DEDD2: variants seen among roughly 807,000 people sequenced by gnomAD.
DEDD2 encodes DNA-binding death effector domain-containing protein 2.
In DEDD2, 18 loss-of-function variants were observed where a neutral mutation model predicts 28.9. The observed-to-expected ratio is 0.62, with a 90% CI of 0.43 to 0.92. The LOEUF is 0.92. Ranked by LOEUF, DEDD2 falls within the 40% of genes least tolerant of loss-of-function variation. The pLI is 0.00. For synonymous variants in DEDD2, 211 were observed against 206.1 expected, an observed-to-expected ratio of 1.02 and a Z score of -0.20; for missense variants, 411 against 463.3, an observed-to-expected ratio of 0.89 and a Z score of 1.04.
Position 42,209,134 on chromosome 19 carries a change from G to A in DEDD2, c.589+566C>T, listed in dbSNP as rs868358763. On this transcript the variant is annotated intron_variant, in intron 4 of 4. Coordinates refer to ENST00000596251, the MANE Select transcript of DEDD2 (RefSeq NM_133328.4). ...TGGGTGCCAGTAATCCCAGCTACTTGGGAGGCTGAGGCAGGAGAACTGCTT... is the reference window on the plus strand; with the variant it reads ...TGGGTGCCAGTAATCCCAGCTACTTAGGAGGCTGAGGCAGGAGAACTGCTT... Among the ~76,000 whole-genome samples the A allele has an allele frequency of 5.9e-5, 9 of 152,162 alleles. No homozygotes were observed. The South Asian group carries it at 1.9e-3, about 31-fold the overall frequency.
At chr19:42,206,153 T>C (rs907548422) in intron 4 of DEDD2, among the ~76,000 whole-genome samples, 4 of 150,116 alleles carry the variant, frequency 2.7e-5, no homozygotes, top group African/African-American at 9.8e-5. Flanking sequence ...CTCCAACTGC[T>C]TTCCATAATA....
Position 42,216,787 on chromosome 19 carries a change from C to CGCTCCA in DEDD2, c.215_220dup (p.Leu72_Glu73dup). The CGCTCCA allele has an allele frequency of 1.3e-6, 2 of 1,588,028 alleles. No individual in the cohort carries two copies. The highest frequency in any genetic ancestry group is 1.7e-6 in the Non-Finnish European group (2 of 1,167,554). On this transcript the variant is annotated inframe_insertion, in exon 2 of 5. Coordinates refer to ENST00000596251, the MANE Select transcript of DEDD2 (RefSeq NM_133328.4). ...GTTGCTCTCGTCGCACTGCCCGCGGCGCTCCAGCTCCAGCAGGAGCTCTAG... is the reference window on the plus strand; with the variant it reads ...GTTGCTCTCGTCGCACTGCCCGCGGCGCTCCAGCTCCAGCTCCAGCAGGAGCTCTAG...
chr19:42,206,708 C>T (rs2035548664), intron 4 of DEDD2, among the ~76,000 whole-genome samples: 3 of 152,210 alleles, frequency 2.0e-5, no homozygotes, highest in Admixed American at 2.0e-4. Flanking sequence ...TCCTCACTGT[C>T]TCAGGCAGTC....
intron 3 of DEDD2, among the ~76,000 whole-genome samples, chr19:42,211,177 A>G (rs1021834175): frequency 1.3e-5 from 2 of 152,108 alleles, no homozygotes. Flanking sequence ...GTTCAAGACC[A>G]ACCTGGAACC....
At chr19:42,215,511 C>A (rs541721106) in intron 2 of DEDD2, among the ~76,000 whole-genome samples, 38 of 152,316 alleles carry the variant, frequency 2.5e-4, no homozygotes, top group African/African-American at 9.1e-4. Context: ...TGGTAAGGGT[C>A]CCTGTAATGG....
At chr19:42,219,076 G>C (rs12611219), upstream of DEDD2, among the ~76,000 whole-genome samples, 1 of 152,092 alleles carries the variant, frequency 6.6e-6, no homozygotes, top group Non-Finnish European at 1.5e-5. Flanking sequence ...AGGCCGAGGC[G>C]GGCGGATCAC....
rs376459217 is a variant in DEDD2, at chr19:42,199,538, C to T, written c.881G>A (p.Arg294His). 15 of 1,614,054 alleles carry T rather than the reference C, an allele frequency of 9.3e-6. No individual in the cohort carries two copies. The highest frequency in any genetic ancestry group is 2.2e-5 in the South Asian group (2 of 91,088). ...LREAVGREAV[R>H]LLVSVDEADY... Reference sequence around the variant, plus strand: ...AGCCTCATCCACACTGACCAGCAGGCGAACAGCCTCCCGGCCCACAGCCTC... The same window carrying T: ...AGCCTCATCCACACTGACCAGCAGGTGAACAGCCTCCCGGCCCACAGCCTC... Residue 294 changes from arginine (R) to histidine (H), a missense_variant, in exon 5 of 5, where the codon CGC (arginine) becomes CAC (histidine). This residue lies in a region of DEDD2 where 129 missense variants were observed against 189.9 expected (regional missense o/e 0.68). Transcript: ENST00000596251. This position sits in a 1 kb window ranked among gnomAD's most constrained non-coding sequence, Gnocchi z 7.4.
intron 2 of DEDD2, 87 bp downstream of exon 2, chr19:42,216,593 A>C (rs1599790445): frequency 7.6e-7 from 1 of 1,323,786 alleles, no homozygotes; most frequent in South Asian, 1.5e-5. Context: ...CTGATATGGC[A>C]CTGTCCGTAT....
At chr19:42,213,045 T>G (rs1044281379) in intron 3 of DEDD2, among the ~76,000 whole-genome samples, 1 of 152,168 alleles carries the variant, frequency 6.6e-6, no homozygotes, top group Non-Finnish European at 1.5e-5. Context: ...AAACAGCTGA[T>G]TCTAGGGTGC....
Position 42,217,062 on chromosome 19 carries a change from G to A in DEDD2, c.-38-17C>T, listed in dbSNP as rs2036007007. The stretch of plus-strand genomic sequence containing the variant: ...GAACCCGGCCTAGAACCCACACAGC[G>A]GGGAGGGGGCAGTGGTCAGCGACGC... On this transcript the variant is annotated splice_polypyrimidine_tract_variant and intron_variant, in intron 1 of 4. Transcript: ENST00000596251. The A allele has an allele frequency of 4.0e-6, 6 of 1,514,324 alleles. No homozygotes were observed. Among genetic ancestry groups the A allele is most frequent in the African/African-American group, 1.4e-5 (1 of 72,350 alleles). 93.8% of individuals were successfully genotyped at this position (1,514,324 alleles called of 1,614,324 possible). A position where few individuals can be genotyped will look rare whatever the true frequency, so the allele number is the denominator to read the frequency against.
In DEDD2 at chr19:42,209,735, G is replaced by T; in HGVS notation, c.554C>A (p.Pro185His). ...TTTGCCTTCAGAGGAAGGTCTGGCG[G>T]GCTCTGACTGCTGCTGGGGTGCGGC... ...APAAPQQQSEPARPSSEGKVT... is the reference protein window; with the variant it reads ...APAAPQQQSEHARPSSEGKVT... The change falls in exon 4 of 5, where the codon CCC (proline) becomes CAC (histidine). Residue 185 changes from proline to histidine, a missense_variant. Pro to His is a moderately conservative substitution (Grantham distance 77, BLOSUM62 -2). Coordinates refer to ENST00000596251, the MANE Select transcript of DEDD2 (RefSeq NM_133328.4). 6.2e-7 allele frequency: 1 copy of T among 1,607,408 alleles called. No individual in the cohort carries two copies. Among genetic ancestry groups the T allele is most frequent in the Non-Finnish European group, 8.5e-7 (1 of 1,177,064 alleles).
At chr19:42,212,202 C>A (rs1411809072) in intron 3 of DEDD2, among the ~76,000 whole-genome samples, 1 of 151,326 alleles carries the variant, frequency 6.6e-6, no homozygotes, top group Non-Finnish European at 1.5e-5. Flanking sequence ...TGCGTCCCTA[C>A]TAAAAATACA....
upstream of DEDD2, chr19:42,217,682 T>C (rs1358942582): frequency 6.6e-6 from 1 of 152,646 alleles, no homozygotes; most frequent in African/African-American, 2.4e-5. Flanking sequence ...CCACTTGTTT[T>C]GGATCTTTCT....
chr19:42,216,596 G>A (rs1599790459), intron 2 of DEDD2, 84 bp downstream of exon 2: 1 of 1,358,108 alleles, frequency 7.4e-7, no homozygotes, highest in Non-Finnish European at 9.8e-7. Context: ...ATATGGCACT[G>A]TCCGTATCAG....
At chr19:42,209,892 C>T in intron 3 of DEDD2, 52 bp from the exon 4 acceptor site, 1 of 1,477,036 alleles carries the variant, frequency 6.8e-7, no homozygotes, top group Non-Finnish European at 9.0e-7. Flanking sequence ...AGCTAGAGTG[C>T]CCAGGTGTAT....
At chr19:42,208,591 C>G (rs2035624245) in intron 4 of DEDD2, among the ~76,000 whole-genome samples, 1 of 152,230 alleles carries the variant, frequency 6.6e-6, no homozygotes, top group Admixed American at 6.5e-5. Context: ...ACTGCCAGTG[C>G]CTGGCGCATG....
chr19:42,215,720 T>TC (rs1033697517), intron 2 of DEDD2, among the ~76,000 whole-genome samples: 4 of 151,900 alleles, frequency 2.6e-5, no homozygotes, highest in African/African-American at 9.7e-5. Flanking sequence ...AAGGCCATAA[T>TC]CCCCCCTCCC....
At chr19:42,213,974 C>A (rs576657033) in intron 3 of DEDD2, among the ~76,000 whole-genome samples, 2 of 152,232 alleles carry the variant, frequency 1.3e-5, no homozygotes, top group South Asian at 2.1e-4. Flanking sequence ...TTATTCTCCA[C>A]GGATGCCTAA....
At chr19:42,201,994 G>A (rs2035349718) in intron 4 of DEDD2, 4 of 398,780 alleles carry the variant, frequency 1.0e-5, no homozygotes, top group Middle Eastern at 6.3e-4. Flanking sequence ...CAGACCTTGA[G>A]GTGAGTCCCA....
Sources: gnomAD v4.1 joint callset for allele counts (sites outside exome capture counted in the v4.1 genomes callset) on GRCh38, gnomAD v4.1.1 for gene constraint, gnomAD v4.1.1 regional missense constraint, Gnocchi (gnomAD v3.1) non-coding constraint, MANE v1.5 for transcripts, NCBI Gene and HGNC (gene_info 2026-07-23, HGNC 2026-07-21) for gene names.